ZNF705A: variants seen among roughly 807,000 people sequenced by gnomAD.
ZNF705A encodes zinc finger protein 705A.
ZNF705A carries 8 observed loss-of-function variants against 16.6 expected under a neutral mutation model. The ratio of observed to expected loss-of-function variants is 0.48; its 90% confidence interval spans 0.28 to 0.87. The LOEUF is 0.87. ZNF705A is among the 40% of genes least tolerant of loss of function. The probability of loss-of-function intolerance (pLI) is 0.10; values close to 1 mark genes in which losing one functional copy is unlikely to be tolerated. For missense variants in ZNF705A, 233 were observed against 359.9 expected, an observed-to-expected ratio of 0.65 and a Z score of 2.85; for synonymous variants, 73 against 117.3, an observed-to-expected ratio of 0.62 and a Z score of 2.44.
upstream of ZNF705A, among the ~76,000 whole-genome samples, chr12:8,170,191 C>A (rs771038587): frequency 2.0e-4 from 25 of 123,620 alleles, 2 homozygotes; most frequent in East Asian, 1.9e-3. Flanking sequence ...CTCTCCCCCC[C>A]CCCCCAAAAA....
At chr12:8,179,829 A>G (rs1948518009) in exon 5 of ZNF705A, 2 of 152,216 alleles carry the variant, frequency 1.3e-5, no homozygotes, top group Non-Finnish European at 2.9e-5. Flanking sequence ...TGTACTCCTG[A>G]GCCACATTGA....
upstream of ZNF705A, among the ~76,000 whole-genome samples, chr12:8,170,834 A>G (rs1268217264): frequency 1.3e-5 from 2 of 152,220 alleles, no homozygotes; most frequent in African/African-American, 4.8e-5. Flanking sequence ...TCCAAGGAAT[A>G]AGAAAAAAGT....
chr12:8,170,757 G>A (rs1204266441), upstream of ZNF705A, among the ~76,000 whole-genome samples: 2 of 152,162 alleles, frequency 1.3e-5, no homozygotes, highest in Non-Finnish European at 2.9e-5. Flanking sequence ...GTACTGTCAG[G>A]TACATTCATG....
chr12:8,175,889 A>T lies in ZNF705A; in HGVS notation c.265A>T (p.Met89Leu), dbSNP rs772240319. Residue 89 changes from methionine to leucine, a missense_variant, in exon 4 of 5, where the codon ATG (methionine) becomes TTG (leucine). Physicochemically the swap from Met to Leu is conservative, Grantham distance 15. Transcript: ENST00000359286. ...GGAAAGTGCCCTTAAGAAAAAACAC[A>T]TGATATCCATGCATCCTATCACCAG... 6.8e-6 allele frequency: 11 copies of T among 1,611,534 alleles called. No homozygotes were observed. Among genetic ancestry groups the T allele is most frequent in the Non-Finnish European group, 8.5e-6 (10 of 1,179,492 alleles).
At chr12:8,179,191 T>C (rs1948511396) in exon 5 of ZNF705A, 1 of 152,178 alleles carries the variant, frequency 6.6e-6, no homozygotes, top group African/African-American at 2.4e-5. Context: ...GGAGCCTCTC[T>C]AACTGGAAGT....
At chr12:8,173,381 T>C (rs1167964582) in intron 1 of ZNF705A, among the ~76,000 whole-genome samples, 1 of 152,092 alleles carries the variant, frequency 6.6e-6, no homozygotes, top group African/African-American at 2.4e-5. Context: ...GTAGATAGAG[T>C]ACAATTTAGG....
chr12:8,165,849 A>T (rs966063630), intron 1 of ZNF705A, among the ~76,000 whole-genome samples: 1 of 152,062 alleles, frequency 6.6e-6, no homozygotes, highest in African/African-American at 2.4e-5. Context: ...AAAGGACATA[A>T]TTTTTTTACA....
intron 1 of ZNF705A, among the ~76,000 whole-genome samples, chr12:8,161,633 T>C (rs1948356034): frequency 6.6e-6 from 1 of 152,112 alleles, no homozygotes; most frequent in African/African-American, 2.4e-5. Flanking sequence ...AGTTGTAATA[T>C]CTCCTGTTCC....
chr12:8,163,719 A>G (rs1299424969), intron 1 of ZNF705A, among the ~76,000 whole-genome samples: 1 of 152,216 alleles, frequency 6.6e-6, no homozygotes, highest in Admixed American at 6.5e-5. Flanking sequence ...TACCTGCCAA[A>G]TTCATTAGGG....
At chr12:8,177,912 T>A (rs1948499598) in exon 5 of ZNF705A, 1 of 410,730 alleles carries the variant, frequency 2.4e-6, no homozygotes, top group Admixed American at 4.2e-5. Context: ...AGAAATTGTA[T>A]GACATGTATG....
intron 1 of ZNF705A, among the ~76,000 whole-genome samples, chr12:8,163,306 T>C (rs1948372287): frequency 6.6e-6 from 1 of 152,216 alleles, no homozygotes; most frequent in South Asian, 2.1e-4. Context: ...TTCCATCTCA[T>C]GATATTTTTA....
chr12:8,167,531 T>TGAAGAGTTTAA (rs1948409429), intron 1 of ZNF705A, among the ~76,000 whole-genome samples: 1 of 152,196 alleles, frequency 6.6e-6, no homozygotes, highest in Admixed American at 6.5e-5. Context: ...AAAGAGCATC[T>TGAAGAGTTTAA]GAAGAGTTTA....
intron 1 of ZNF705A, among the ~76,000 whole-genome samples, chr12:8,173,443 G>A (rs761423343): frequency 6.6e-6 from 1 of 152,266 alleles, no homozygotes; most frequent in South Asian, 2.1e-4. Flanking sequence ...CAATGAAGAG[G>A]CTTTTTAAAT....
At chr12:8,158,279 C>T (rs1228579527) in intron 1 of ZNF705A, among the ~76,000 whole-genome samples, 2 of 152,046 alleles carry the variant, frequency 1.3e-5, no homozygotes, top group Non-Finnish European at 2.9e-5. Context: ...GTTCTCTAAA[C>T]CCCTTCTTAG....
intron 1 of ZNF705A, among the ~76,000 whole-genome samples, chr12:8,164,457 G>A (rs557405224): frequency 6.6e-6 from 1 of 152,182 alleles, no homozygotes; most frequent in African/African-American, 2.4e-5. Context: ...TTGCGTATAT[G>A]TATTAGCCAT....
At position 8,177,108 on chromosome 12, in the gene ZNF705A, C is replaced by G. The variant is rs148660417; in HGVS notation, c.428C>G (p.Pro143Arg). Residue 143 changes from proline (P) to arginine (R), a missense_variant, in exon 5 of 5, where the codon CCC becomes CGC. Coordinates refer to ENST00000359286, the Ensembl canonical transcript of ZNF705A. ...TTGTTAACTCACAGTGGAAAGAAAC[C>G]CTATGTCAGCAAACAGTGTGGAAAA... 9.4e-5 allele frequency: 151 copies of G among 1,611,958 alleles called. No individual in the cohort carries two copies. In the African/African-American group the frequency reaches 1.8e-3, roughly 20 times the overall value.
intron 1 of ZNF705A, among the ~76,000 whole-genome samples, chr12:8,160,728 G>A (rs1702256517): frequency 1.3e-5 from 2 of 152,028 alleles, no homozygotes; most frequent in African/African-American, 4.8e-5. Context: ...GCTTTCTGGA[G>A]GAATCGTCAG....
At chr12:8,166,388 G>GT (rs1948399367) in intron 1 of ZNF705A, among the ~76,000 whole-genome samples, 1 of 152,168 alleles carries the variant, frequency 6.6e-6, no homozygotes. Context: ...CCCACATGTT[G>GT]TGGGGGGACC....
intron 1 of ZNF705A, among the ~76,000 whole-genome samples, chr12:8,159,348 G>A (rs1231640139): frequency 1.3e-5 from 2 of 152,106 alleles, no homozygotes; most frequent in African/African-American, 4.8e-5. Flanking sequence ...GAGATTGCTG[G>A]ATCAAATTAT....
Sources: gnomAD v4.1 joint callset for allele counts (sites outside exome capture counted in the v4.1 genomes callset) on GRCh38, gnomAD v4.1.1 for gene constraint, MANE v1.5 for transcripts, NCBI Gene and HGNC (gene_info 2026-07-23, HGNC 2026-07-21) for gene names.